The following VPS8 variants were observed in gnomAD, a reference collection of about 807,000 sequenced individuals.
VPS8 encodes the protein VPS8 subunit of CORVET complex.
In VPS8, 129 loss-of-function variants were observed where a neutral mutation model predicts 216.4. That is an observed-to-expected ratio of 0.60 (90% CI 0.52 to 0.69). VPS8 has a LOEUF of 0.69. Ranked by LOEUF, VPS8 falls within the 30% of genes least tolerant of loss-of-function variation. VPS8 has a pLI of 0.00. For missense variants in VPS8, 1,531 were observed against 1,683.5 expected (o/e 0.91, Z 1.59); for synonymous variants, 571 against 565.4 (o/e 1.01, Z -0.14).
At chr3:184,923,779 T>C (rs1739078196) in intron 29 of VPS8, among the ~76,000 whole-genome samples, 1 of 152,214 alleles carries the variant, frequency 6.6e-6, no homozygotes, top group Non-Finnish European at 1.5e-5. Context: ...CTCTCACTCT[T>C]CTCTTTGCCA....
At chr3:184,834,554 G>T in intron 4 of VPS8, 95 bp from the exon 5 acceptor site, 1 of 923,114 alleles carries the variant, frequency 1.1e-6, no homozygotes, top group Non-Finnish European at 1.6e-6. Flanking sequence ...GTTGTCTTCT[G>T]CTTTTTGTGC....
intron 45 of VPS8, among the ~76,000 whole-genome samples, chr3:185,007,687 TCAAAA>T (rs1754452468): frequency 1.3e-5 from 2 of 152,228 alleles, no homozygotes; most frequent in Non-Finnish European, 2.9e-5. Flanking sequence ...ATGGTATTGT[TCAAAA>T]CCAACTGAGT....
rs199918828 is a variant in VPS8 at position 184,924,979 on chromosome 3, C to G, written c.2572C>G (p.Gln858Glu). The change falls in exon 30 of 48, where the codon CAG becomes GAG. Residue 858 changes from glutamine to glutamate, a missense_variant and splice_region_variant. By Grantham distance (29) the Gln-to-Glu change is conservative. Coordinates refer to ENST00000625842, the MANE Select transcript of VPS8 (RefSeq NM_001009921.3). ...GTTTGTAAACAGAACACTTTTTGAT[C>G]AGGTAAGTGTCTAGCAGTGAAAACT... ...TLFVNRTLFDQVLEFLCSPDD... is the reference protein window; with the variant it reads ...TLFVNRTLFDEVLEFLCSPDD... 1 of 1,613,266 alleles carries G rather than the reference C, an allele frequency of 6.2e-7. No individual in the cohort carries two copies. The highest frequency in any genetic ancestry group is 8.5e-7 in the Non-Finnish European group (1 of 1,179,584).
chr3:184,920,102 T>C (rs1443642713), intron 28 of VPS8, 25 bp from the exon 29 acceptor site: 7 of 1,458,816 alleles, frequency 4.8e-6, no homozygotes, highest in Non-Finnish European at 6.4e-6. Flanking sequence ...ATAATTACTT[T>C]AAAAAATTTA....
At chr3:184,869,110 A>G in intron 19 of VPS8, 74 bp downstream of exon 19, 1 of 1,345,934 alleles carries the variant, frequency 7.4e-7, no homozygotes, top group South Asian at 1.3e-5. Flanking sequence ...CTAACCACTC[A>G]TAGGACACTT....
At chr3:184,824,829 T>C (rs1447657375) in intron 2 of VPS8, 44 bp downstream of exon 2, 1 of 1,533,122 alleles carries the variant, frequency 6.5e-7, no homozygotes, top group Non-Finnish European at 8.9e-7. Context: ...TTAACCAGTG[T>C]AGATTAGAGT....
intron 23 of VPS8, among the ~76,000 whole-genome samples, chr3:184,897,619 C>G (rs940536925): frequency 2.0e-5 from 3 of 152,078 alleles, no homozygotes; most frequent in African/African-American, 7.2e-5. Context: ...ATGGTACTGG[C>G]TGAGAGGGGT....
intron 20 of VPS8, 91 bp from the exon 21 acceptor site, chr3:184,870,625 T>C: frequency 1.0e-6 from 1 of 974,124 alleles, no homozygotes; most frequent in Non-Finnish European, 1.5e-6. Flanking sequence ...AATAACAAAT[T>C]CTAATTATGT....
At position 184,834,715 on chromosome 3, in the gene VPS8, A is replaced by G; in HGVS notation, c.420A>G (p.Gly140=). 6.4e-7 allele frequency: 1 copy of G among 1,563,490 alleles called. No individual in the cohort carries two copies. The highest frequency in any genetic ancestry group is 8.7e-7 in the Non-Finnish European group (1 of 1,152,580). The change falls in exon 5 of 48, where the codon GGA becomes GGG. Residue 140 remains glycine, a synonymous_variant. Transcript: ENST00000625842. ...GSVMRHSLLK[G]ISAQIVSAAD... ...TTATGCGCCATTCACTTTTGAAGGGAATTTCTGCCCAGATAGTGTCTGCAG... is the reference window on the plus strand; with the variant it reads ...TTATGCGCCATTCACTTTTGAAGGGGATTTCTGCCCAGATAGTGTCTGCAG...
At chr3:184,903,380 G>A (rs1734919339) in intron 25 of VPS8, among the ~76,000 whole-genome samples, 1 of 152,124 alleles carries the variant, frequency 6.6e-6, no homozygotes, top group Admixed American at 6.5e-5. Context: ...TTGGGAGAGA[G>A]AATTGCCATC....
At chr3:184,977,108 G>T (rs1343377349) in intron 40 of VPS8, among the ~76,000 whole-genome samples, 1 of 151,968 alleles carries the variant, frequency 6.6e-6, no homozygotes, top group Admixed American at 6.5e-5. Context: ...CCTTTCCTCC[G>T]CAGCGTTGTG....
At chr3:184,813,508 G>A (rs957824958) in intron 1 of VPS8, among the ~76,000 whole-genome samples, 13 of 152,244 alleles carry the variant, frequency 8.5e-5, no homozygotes, top group Admixed American at 7.2e-4. Context: ...TTAAATTTAA[G>A]CACAGAATAG....
chr3:184,883,107 TA>T (rs1437445325), intron 21 of VPS8, among the ~76,000 whole-genome samples: 1 of 152,196 alleles, frequency 6.6e-6, no homozygotes, highest in African/African-American at 2.4e-5. Context: ...TGAAAGCCTA[TA>T]TCCTGTAGAT....
chr3:184,928,687 TAATTG>T (rs1740126011), intron 32 of VPS8, among the ~76,000 whole-genome samples, 154 bp downstream of exon 32: 1 of 152,228 alleles, frequency 6.6e-6, no homozygotes, highest in East Asian at 1.9e-4. Context: ...TTTTCCCTTT[TAATTG>T]AATTCTAGAA....
At chr3:184,965,936 A>C (rs1217879631) in intron 38 of VPS8, among the ~76,000 whole-genome samples, 1 of 152,188 alleles carries the variant, frequency 6.6e-6, no homozygotes, top group East Asian at 1.9e-4. Flanking sequence ...TTTAGCTTAT[A>C]AGCTTTTTAC....
intron 45 of VPS8, among the ~76,000 whole-genome samples, chr3:185,015,411 T>C (rs1218705101): frequency 6.6e-6 from 1 of 152,254 alleles, no homozygotes; most frequent in Non-Finnish European, 1.5e-5. Context: ...CTGTGTGGAA[T>C]GAACCACGTA....
At chr3:184,832,485 T>C (rs1720208244) in intron 3 of VPS8, among the ~76,000 whole-genome samples, 2 of 152,178 alleles carry the variant, frequency 1.3e-5, no homozygotes, top group South Asian at 4.1e-4. Flanking sequence ...AGTTTTGGGG[T>C]GACTTCTTTG....
rs6766721 is a variant in VPS8, at chr3:185,048,462, C to T, written c.4057-17C>T. 721,141 of 1,612,280 alleles carry T rather than the reference C, an allele frequency of 0.45. 164,130 individuals are homozygous for T. Among genetic ancestry groups the T allele is most frequent in the East Asian group, 0.65 (29,277 of 44,850 alleles). On this transcript the variant is annotated splice_polypyrimidine_tract_variant and intron_variant, in intron 46 of 47. Transcript: ENST00000625842. ...AGCCACGTGATGTTGTTAATCGTAT[C>T]GGTTTTTATTTTTCAGGGAACCTCA...
chr3:185,015,249 C>A lies in VPS8; in HGVS notation c.4003-9087C>A, dbSNP rs941829490. On this transcript the variant is annotated intron_variant, in intron 45 of 47. Transcript: ENST00000625842. ...AGGTGATCAGCCATTTGATTCCCTG[C>A]AGTTAATGGTCCTGGAAGAAAGAGG... is the stretch of plus-strand genomic sequence containing the variant. Among the ~76,000 whole-genome samples, 4 of 152,194 alleles carry A rather than the reference C, an allele frequency of 2.6e-5. No individual in the cohort carries two copies. In the East Asian group the frequency reaches 5.8e-4, roughly 22 times the overall value.
Sources: allele counts gnomAD v4.1 joint callset (sites outside exome capture counted in the v4.1 genomes callset), GRCh38; gene constraint gnomAD v4.1.1; transcripts MANE v1.5; gene names NCBI Gene and HGNC (gene_info 2026-07-23, HGNC 2026-07-21).